VPS13D: variants seen among roughly 807,000 people sequenced by gnomAD.
The protein encoded by VPS13D is vacuolar protein sorting 13 homolog D, also known as intermembrane lipid transfer protein VPS13D.
In VPS13D, 187 loss-of-function variants were observed where a neutral mutation model predicts 461.9. The ratio of observed to expected loss-of-function variants is 0.40; its 90% CI spans 0.36 to 0.46. The LOEUF is 0.46. VPS13D is among the 20% of genes least tolerant of loss of function. The probability of loss-of-function intolerance (pLI) is 0.60; values close to 1 mark genes in which losing one functional copy is unlikely to be tolerated. For missense variants in VPS13D, 4,711 were observed against 5,364.9 expected, an observed-to-expected ratio of 0.88 and a Z score of 3.81; for synonymous variants, 1,951 against 1,986.3, an observed-to-expected ratio of 0.98 and a Z score of 0.47.
At chr1:12,312,226 G>C (rs902667375) in intron 29 of VPS13D, among the ~76,000 whole-genome samples, 1 of 152,186 alleles carries the variant, frequency 6.6e-6, no homozygotes, top group Non-Finnish European at 1.5e-5. Context: ...TGCTCTGCTT[G>C]TTGTAGTCGC....
intron 3 of VPS13D, among the ~76,000 whole-genome samples, chr1:12,242,953 C>CT (rs1435169947): frequency 7.3e-5 from 11 of 150,206 alleles, no homozygotes; most frequent in African/African-American, 1.2e-4. Context: ...TTTTTCTTTT[C>CT]TTTTCTTTTT....
intron 67 of VPS13D, among the ~76,000 whole-genome samples, chr1:12,480,400 A>C (rs1417814675): frequency 6.6e-6 from 1 of 152,144 alleles, no homozygotes; most frequent in Non-Finnish European, 1.5e-5. Flanking sequence ...TCCTGGACAG[A>C]AGCTTTCTAG....
chr1:12,311,489 A>G lies in VPS13D; in HGVS notation c.6686A>G (p.His2229Arg), dbSNP rs756553242. The change falls in exon 28 of 70, where the codon CAT becomes CGT. Residue 2229 changes from histidine to arginine, a missense_variant. His to Arg is a conservative substitution (Grantham distance 29). Coordinates refer to ENST00000620676, the MANE Select transcript of VPS13D (RefSeq NM_015378.4). Reference protein sequence around the residue: ...ISHTVPDISIHGNLSSVHCSL... With the variant: ...ISHTVPDISIRGNLSSVHCSL... ...CATACTGTGCCAGACATATCTATCC[A>G]TGGCAATCTCTCCTCAGTCCACTGC... 2 of 1,613,912 alleles carry G rather than the reference A, an allele frequency of 1.2e-6. No individual in the cohort carries two copies. Among genetic ancestry groups the G allele is most frequent in the East Asian group, 2.2e-5 (1 of 44,880 alleles).
At chr1:12,334,130 C>T (rs1643395142) in intron 38 of VPS13D, among the ~76,000 whole-genome samples, 1 of 152,196 alleles carries the variant, frequency 6.6e-6, no homozygotes, top group Non-Finnish European at 1.5e-5. Context: ...ATATCCACTT[C>T]CTTACGCATG....
intron 67 of VPS13D, 85 bp downstream of exon 67, chr1:12,460,481 G>A: frequency 8.0e-7 from 1 of 1,250,228 alleles, no homozygotes. Flanking sequence ...GTTTAATTGT[G>A]CACTTTCTTA....
chr1:12,280,002 C>T (rs1234617931), intron 20 of VPS13D, among the ~76,000 whole-genome samples: 1 of 152,148 alleles, frequency 6.6e-6, no homozygotes, highest in African/African-American at 2.4e-5. Flanking sequence ...TTAACACAGC[C>T]AGTGAAACAT....
intron 35 of VPS13D, among the ~76,000 whole-genome samples, chr1:12,326,564 G>C (rs1643194284): frequency 6.6e-6 from 1 of 151,474 alleles, no homozygotes; most frequent in East Asian, 1.9e-4. Flanking sequence ...TCAAATTCCT[G>C]ACCTAAAGTG....
rs140278395 is a variant in VPS13D, at chr1:12,272,098, G to A, written c.2104-905G>A. ...TCCCAGCTGTTCAGGAGGCTGAGGC[G>A]GGAGGATTGCTTGAGCCCAGGAATT... On this transcript the variant is annotated intron_variant, in intron 17 of 69. Transcript: ENST00000620676. 4.2e-3 allele frequency among the ~76,000 whole-genome samples: 635 copies of A among 152,234 alleles called. 10 individuals carry two copies. The highest frequency in any genetic ancestry group is 3.6e-3 in the Non-Finnish European group (246 of 68,010).
chr1:12,253,650 G>A lies in VPS13D; in HGVS notation c.565-72G>A, dbSNP rs1640814159. 6.8e-6 allele frequency: 8 copies of A among 1,183,170 alleles called. No homozygotes were observed. The Admixed American group carries it at 1.4e-4, about 20-fold the overall frequency. The allele number at this position is 1,183,170 out of a possible 1,614,324, so 73.3% of individuals were successfully genotyped here. A position where few individuals can be genotyped will look rare whatever the true frequency, so the allele number is the denominator to read the frequency against. On this transcript the variant is annotated intron_variant, in intron 6 of 69. Coordinates refer to ENST00000620676, the MANE Select transcript of VPS13D (RefSeq NM_015378.4). ...ACCTGACACATGATTCTTTACAAATGGTTTGTTGAATGAATGACATTCACG... is the reference window on the plus strand; with the variant it reads ...ACCTGACACATGATTCTTTACAAATAGTTTGTTGAATGAATGACATTCACG...
At chr1:12,487,132 T>C (rs1645807817) in intron 67 of VPS13D, among the ~76,000 whole-genome samples, 1 of 152,134 alleles carries the variant, frequency 6.6e-6, no homozygotes, top group Non-Finnish European at 1.5e-5. Context: ...TAAAAACCCA[T>C]GAGTGTGGTG....
At chr1:12,410,805 ACATT>A (rs1644716913) in intron 63 of VPS13D, among the ~76,000 whole-genome samples, 2 of 152,258 alleles carry the variant, frequency 1.3e-5, no homozygotes, top group South Asian at 2.1e-4. Context: ...CCTGGAATGC[ACATT>A]CAGTTTCACA....
intron 65 of VPS13D, 74 bp downstream of exon 65, chr1:12,416,901 G>C: frequency 7.0e-7 from 1 of 1,429,852 alleles, no homozygotes; most frequent in Non-Finnish European, 9.3e-7. Context: ...TTCTTTTATA[G>C]TTAATGGGCT....
At chr1:12,233,955 G>A (rs539951616) in intron 1 of VPS13D, among the ~76,000 whole-genome samples, 1 of 152,314 alleles carries the variant, frequency 6.6e-6, no homozygotes, top group Non-Finnish European at 1.5e-5. Context: ...GGCTGAGGCA[G>A]GAGAATCGCT....
At chr1:12,476,959 C>T (rs917800616) in intron 67 of VPS13D, among the ~76,000 whole-genome samples, 1 of 152,206 alleles carries the variant, frequency 6.6e-6, no homozygotes, top group African/African-American at 2.4e-5. Context: ...AAGGAGGAAG[C>T]GTGACTTTTC....
intron 38 of VPS13D, 69 bp from the exon 39 acceptor site, chr1:12,335,636 T>C (rs2101564679): frequency 2.0e-6 from 3 of 1,534,470 alleles, no homozygotes; most frequent in East Asian, 4.5e-5. Flanking sequence ...TTTTGCTGAA[T>C]TGAAATTATT....
intron 17 of VPS13D, among the ~76,000 whole-genome samples, chr1:12,272,431 T>G (rs956063636): frequency 1.3e-4 from 18 of 133,688 alleles, no homozygotes; most frequent in African/African-American, 4.2e-4. Flanking sequence ...GTGTGTGTGT[T>G]TCTACATAAA....
intron 67 of VPS13D, among the ~76,000 whole-genome samples, chr1:12,470,845 AG>A (rs1321951180): frequency 1.1e-4 from 17 of 152,228 alleles, no homozygotes; most frequent in African/African-American, 4.1e-4. Flanking sequence ...GGGTAATTAC[AG>A]GCATTTTTTC....
chr1:12,479,250 C>A (rs893307131), intron 67 of VPS13D, among the ~76,000 whole-genome samples: 1 of 152,164 alleles, frequency 6.6e-6, no homozygotes, highest in Non-Finnish European at 1.5e-5. Flanking sequence ...GTTCAAAGGA[C>A]AAAAGGAAGA....
rs1402317416 is a variant in VPS13D at position 12,495,303 on chromosome 1, C to T, written c.12663-2197C>T. On this transcript the variant is annotated intron_variant, in intron 67 of 69. Coordinates refer to ENST00000620676, the MANE Select transcript of VPS13D (RefSeq NM_015378.4). This position sits in a 1 kb window ranked among gnomAD's most constrained non-coding sequence, Gnocchi z 4.0. ...TAGCTGGGACTACAGGCGCCCGCCA[C>T]TCCCCCGCCCACCCCAGCTAATTTT... Among the ~76,000 whole-genome samples, 1 of 151,988 alleles carries T rather than the reference C, an allele frequency of 6.6e-6. No individual in the cohort carries two copies. Among genetic ancestry groups the T allele is most frequent in the African/African-American group, 2.4e-5 (1 of 41,352 alleles).
Sources: allele counts gnomAD v4.1 joint callset (sites outside exome capture counted in the v4.1 genomes callset), GRCh38; gene constraint gnomAD v4.1.1; non-coding constraint Gnocchi (gnomAD v3.1); transcripts MANE v1.5; gene names NCBI Gene and HGNC (gene_info 2026-07-23, HGNC 2026-07-21).